Variants in PER1 observed in about 807,000 individuals in gnomAD.
PER1 encodes the protein period circadian protein homolog 1.
A neutral mutation model predicts 125.9 loss-of-function variants in PER1; 87 were observed. The observed-to-expected ratio is 0.69, with a 90% CI of 0.58 to 0.83. PER1 has a LOEUF of 0.83. PER1 is among the 40% of genes least tolerant of loss of function. The pLI, the probability that PER1 is intolerant of heterozygous loss-of-function variation, is 0.00. For synonymous variants in PER1, 801 were observed against 714.7 expected (o/e 1.12, Z -1.93); for missense variants, 1,775 against 1,722.8 (o/e 1.03, Z -0.54).
chr17:8,143,239 C>A, intron 19 of PER1, 27 bp downstream of exon 19: 1 of 1,413,766 alleles, frequency 7.1e-7, no homozygotes. Context: ...TGGGGGCTGG[C>A]AGGCAGACGC....
chr17:8,148,371 G>A (rs1018771431), intron 8 of PER1, 112 bp from the exon 9 acceptor site: 47 of 918,362 alleles, frequency 5.1e-5, no homozygotes, highest in South Asian at 2.4e-4. Flanking sequence ...GCTCTGCCCC[G>A]GGCACTATGG....
rs376375088 is a variant in PER1 at position 8,143,315 on chromosome 17, G to A, written c.3023C>T (p.Ala1008Val). ...CTCCGCACTGGGAGGTGGGGGCCCG[G>A]CACTGCTCCCAGGGCCTCCTGCAAC... is the stretch of plus-strand genomic sequence containing the variant. ...AAVAGGPGSS[A>V]GPPPPSAEAA... is the part of the protein sequence containing the mutation. The change falls in exon 19 of 23, where the codon GCC (alanine) becomes GTC (valine). Residue 1008 changes from alanine (A) to valine (V), a missense_variant. Ala to Val is a moderately conservative substitution (Grantham distance 64). Coordinates refer to ENST00000317276, the MANE Select transcript of PER1 (RefSeq NM_002616.3). The A allele has an allele frequency of 3.1e-6, 5 of 1,596,950 alleles. No individual in the cohort carries two copies. Among genetic ancestry groups the A allele is most frequent in the African/African-American group, 1.3e-5 (1 of 74,764 alleles).
rs762484833 is a variant in PER1 at position 8,148,007 on chromosome 17, G to A, written c.1224C>T (p.Ile408=). 1 of 1,612,344 alleles carries A rather than the reference G, an allele frequency of 6.2e-7. No individual in the cohort carries two copies. Among genetic ancestry groups the A allele is most frequent in the Non-Finnish European group, 8.5e-7 (1 of 1,179,110 alleles). The part of the protein sequence containing the change: ...HPEDRPLMLA[I]HKKILQLAGQ... ...GCGAGAGGAACTCACTCTTCTTGTG[G>A]ATAGCCAGCATGAGGGGTCGGTCCT... The change falls in exon 10 of 23, where the codon ATC becomes ATT. Residue 408 remains isoleucine (I), a synonymous_variant. Coordinates refer to ENST00000317276, the MANE Select transcript of PER1 (RefSeq NM_002616.3).
chr17:8,143,503 C>T lies in PER1; in HGVS notation c.2835G>A (p.Gly945=), dbSNP rs1259086692. The T allele has an allele frequency of 3.8e-6, 6 of 1,573,116 alleles. No homozygotes were observed. The highest frequency in any genetic ancestry group is 5.2e-6 in the Non-Finnish European group (6 of 1,157,698). ...GGGAGTGCGAGGCAGGAGTGGGAGG[C>T]CCTTCAGCAGGGGTCTGGAGTGCCC... The part of the protein sequence containing the change: ...PYGALQTPAE[G]PPTPASHSPS... Residue 945 remains glycine (G), a synonymous_variant, in exon 19 of 23, where the codon GGG becomes GGA. Transcript: ENST00000317276.
chr17:8,145,814 G>A (rs1360405748), intron 17 of PER1, 144 bp downstream of exon 17: 4 of 874,308 alleles, frequency 4.6e-6, no homozygotes, highest in Non-Finnish European at 5.2e-6. Context: ...GGAGGGGAGA[G>A]CAAGAAGCAG....
chr17:8,150,677 C>G lies in PER1; in HGVS notation c.30G>C (p.Gly10=). 2 of 1,581,850 alleles carry G rather than the reference C, an allele frequency of 1.3e-6. No individual in the cohort carries two copies. The highest frequency in any genetic ancestry group is 8.6e-7 in the Non-Finnish European group (1 of 1,166,792). MSGPLEGAD[G]GGDPRPGESF... ...ATTCCCCAGGCCTGGGGTCCCCTCC[C>G]CCATCAGCCCCTTCTAGGGGGCCAC... is the stretch of plus-strand genomic sequence containing the variant. The change falls in exon 2 of 23, where the codon GGG becomes GGC. Residue 10 remains glycine, a synonymous_variant. Transcript: ENST00000317276.
At chr17:8,152,021 C>G (rs1982889038) in intron 1 of PER1, among the ~76,000 whole-genome samples, 1 of 152,180 alleles carries the variant, frequency 6.6e-6, no homozygotes, top group Non-Finnish European at 1.5e-5. Context: ...GTCCTGGTAC[C>G]GGGGCAAACC....
chr17:8,146,130 C>T lies in PER1; in HGVS notation c.2046G>A (p.Pro682=), dbSNP rs775525179. The T allele has an allele frequency of 6.2e-5, 99 of 1,601,136 alleles. No individual in the cohort carries two copies. Among genetic ancestry groups the T allele is most frequent in the African/African-American group, 1.6e-4 (12 of 74,692 alleles). The change falls in exon 17 of 23, where the codon CCG becomes CCA. Residue 682 remains proline, a synonymous_variant. Transcript: ENST00000317276. ...CCCCCTCCCCAGACAGCGCTGCTGA[C>T]GGCGGATCTGTGCAGAGAGATGGTG... ...PVSVGTKKDP[P]SAALSGEGAT... is the part of the protein sequence containing the mutation.
chr17:8,146,874 C>A (rs1446699897), intron 14 of PER1, 23 bp downstream of exon 14: 2 of 1,610,764 alleles, frequency 1.2e-6, no homozygotes, highest in Admixed American at 3.3e-5. Context: ...TGTCTCTTCA[C>A]CCACACATCA....
intron 17 of PER1, chr17:8,145,278 G>A: frequency 2.9e-6 from 1 of 345,014 alleles, no homozygotes; most frequent in Non-Finnish European, 5.2e-6. Context: ...ACTCTCATTG[G>A]AAGAGAAGCC....
In PER1 at chr17:8,142,341, A is replaced by G; in HGVS notation, c.3377T>C (p.Leu1126Pro). ...CATGAGCAGCCAAATGGGATCCTGG[A>G]GCACGTACTTAATCACCTGGTCCCC... ...EPGDQVIKYVLQDPIWLLMAN... is the reference protein window; with the variant it reads ...EPGDQVIKYVPQDPIWLLMAN... Residue 1126 changes from leucine (L) to proline (P), a missense_variant, in exon 21 of 23, where the codon CTC becomes CCC. Coordinates refer to ENST00000317276, the MANE Select transcript of PER1 (RefSeq NM_002616.3). The G allele has an allele frequency of 1.2e-6, 2 of 1,613,844 alleles. No homozygotes were observed. Among genetic ancestry groups the G allele is most frequent in the Non-Finnish European group, 1.7e-6 (2 of 1,179,902 alleles).
chr17:8,144,310 T>C, intron 18 of PER1: 1 of 414,792 alleles, frequency 2.4e-6, no homozygotes. Context: ...GAAAGCCCAG[T>C]CCTGAGTCCT....
Position 8,143,651 on chromosome 17 carries a change from TG to T in PER1, c.2686del (p.Gln896SerfsTer20). ...AGATGTGGGAGCAGGGGGAAGAGGC[TG>T]GGGGCCTCCTCGAGGAGAGAACACT... The part of the protein sequence containing the change: ...LPVFSPRGGP[Q>X]PLPPAPTSVP... On this transcript the variant is annotated frameshift_variant, in exon 19 of 23. Coordinates refer to ENST00000317276, the MANE Select transcript of PER1 (RefSeq NM_002616.3). LOFTEE classifies it high-confidence loss of function. 8.5e-7 allele frequency: 1 copy of T among 1,177,810 alleles called. No homozygotes were observed. The highest frequency in any genetic ancestry group is 1.1e-6 in the Non-Finnish European group (1 of 935,534). 73.0% of individuals were successfully genotyped at this position (1,177,810 alleles called of 1,614,324 possible).
chr17:8,144,482 G>T, intron 18 of PER1: 1 of 498,388 alleles, frequency 2.0e-6, no homozygotes, highest in Non-Finnish European at 3.5e-6. Flanking sequence ...CTGCCCCCAG[G>T]CTAGGCCTGA....
Position 8,143,263 on chromosome 17 carries a change from C to T in PER1, c.3072+3G>A, listed in dbSNP as rs745981934. The T allele has an allele frequency of 2.6e-5, 39 of 1,526,550 alleles. No individual in the cohort carries two copies. The Admixed American group carries it at 2.9e-4, about 11-fold the overall frequency. The allele number at this position is 1,526,550 out of a possible 1,614,324, so 94.6% of individuals were successfully genotyped here. On this transcript the variant is annotated splice_donor_region_variant and intron_variant, in intron 19 of 22. Coordinates refer to ENST00000317276, the MANE Select transcript of PER1 (RefSeq NM_002616.3). Reference sequence around the variant, plus strand: ...GCAGGCAGACGCAGGGGTCAGTGCTCACCAGTCTGGCCTCTGGCTCAGCAG... The same window carrying T: ...GCAGGCAGACGCAGGGGTCAGTGCTTACCAGTCTGGCCTCTGGCTCAGCAG...
rs896849635 is a variant in PER1, at chr17:8,149,729, G to T, written c.651+26C>A. The T allele has an allele frequency of 3.1e-6, 5 of 1,612,786 alleles. No homozygotes were observed. In the South Asian group the frequency reaches 5.5e-5, roughly 18 times the overall value. On this transcript the variant is annotated intron_variant, in intron 5 of 22. Coordinates refer to ENST00000317276, the MANE Select transcript of PER1 (RefSeq NM_002616.3). ...GGGAGAAGGAGTAGGGGTGCGTCGG[G>T]ATGCAGAGGCCAGGCCGCCGCTGAC...
intron 1 of PER1, among the ~76,000 whole-genome samples, chr17:8,151,708 C>T (rs1163540353): frequency 6.6e-6 from 1 of 152,172 alleles, no homozygotes; most frequent in African/African-American, 2.4e-5. Context: ...CTGCCATCGT[C>T]AAGGACCCGA....
chr17:8,145,324 C>CTTTTTTTTTT lies in PER1; in HGVS notation c.2219-341_2219-332dup, dbSNP rs398030276. ...CCTTCCCTCACACATTTTCTTGTTT[C>CTTTTTTTTTT]TTTTTTTTTTTTTTTTTGACATGGA... On this transcript the variant is annotated intron_variant, in intron 17 of 22. Transcript: ENST00000317276. Among the ~76,000 whole-genome samples, 68 of 125,460 alleles carry CTTTTTTTTTT rather than the reference C, an allele frequency of 5.4e-4. 2 individuals carry two copies. The highest frequency in any genetic ancestry group is 9.2e-4 in the Non-Finnish European group (57 of 61,850). 82.3% of individuals were successfully genotyped at this position (125,460 alleles called of 152,430 possible). A position where few individuals can be genotyped will look rare whatever the true frequency, so the allele number is the denominator to read the frequency against.
chr17:8,142,504 C>G (rs1193179910), intron 20 of PER1, 46 bp from the exon 21 acceptor site: 1 of 1,548,772 alleles, frequency 6.5e-7, no homozygotes, highest in East Asian at 2.3e-5. Context: ...CGGCTGCATG[C>G]CCACTCCTGG....
Sources: gnomAD v4.1 joint callset for allele counts (sites outside exome capture counted in the v4.1 genomes callset) on GRCh38, gnomAD v4.1.1 for gene constraint, MANE v1.5 for transcripts, NCBI Gene and HGNC (gene_info 2026-07-23, HGNC 2026-07-21) for gene names.